Variants in DHCR7 observed in about 807,000 individuals in gnomAD.
DHCR7 encodes the protein 7-DHC reductase.
A neutral mutation model predicts 43.3 loss-of-function variants in DHCR7; 40 were observed. That is an observed-to-expected ratio of 0.92 (90% CI 0.72 to 1.20). The LOEUF (loss-of-function observed/expected upper bound fraction) is 1.20. DHCR7 is among the 50% of genes most tolerant of loss of function. The pLI is 0.00. For synonymous variants in DHCR7, 298 were observed against 271.4 expected, an observed-to-expected ratio of 1.10 and a Z score of -0.96; for missense variants, 608 against 644.6, an observed-to-expected ratio of 0.94 and a Z score of 0.62.
Position 71,435,010 on chromosome 11 carries a change from G to A in DHCR7, c.*365C>T, listed in dbSNP as rs1317421037. ...AGTAAATGCAGCCTAATGACAGGGC[G>A]TGGGAAGACCTCCTGCTCACCAGTG... On this transcript the variant is annotated 3_prime_UTR_variant, in exon 9 of 9. Coordinates refer to ENST00000355527, the MANE Select transcript of DHCR7 (RefSeq NM_001360.3). 4.9e-5 allele frequency: 23 copies of A among 471,524 alleles called. 1 individual carries two copies. Among genetic ancestry groups the A allele is most frequent in the Middle Eastern group, 3.4e-4 (1 of 2,970 alleles). The allele number at this position is 471,524 out of a possible 1,614,324, so 29.2% of individuals were successfully genotyped here. A position where few individuals can be genotyped will look rare whatever the true frequency, so the allele number is the denominator to read the frequency against.
At chr11:71,431,689 A>G (rs897667105), downstream of DHCR7, among the ~76,000 whole-genome samples, 4 of 152,216 alleles carry the variant, frequency 2.6e-5, 1 homozygote, top group Non-Finnish European at 5.9e-5. Context: ...ATAATCCTGC[A>G]GAAGTGTTGC....
Position 71,436,935 on chromosome 11 carries a change from C to T in DHCR7, c.963+877G>A, listed in dbSNP as rs947373448. On this transcript the variant is annotated intron_variant, in intron 8 of 8. Transcript: ENST00000355527. ...AGTGGGACCTATTGCTACGTTTTCA[C>T]ATCCTTGGAAAATGGAGTTTATAAA... Among the ~76,000 whole-genome samples the T allele has an allele frequency of 3.3e-5, 5 of 152,222 alleles. 1 individual carries two copies. In the South Asian group the frequency reaches 6.2e-4, roughly 19 times the overall value.
At position 71,444,004 on chromosome 11, in the gene DHCR7, C is replaced by A. The variant is rs1340032271; in HGVS notation, c.310G>T (p.Val104Phe). Reference protein sequence around the residue: ...RKAAQLYTLWVTFQVLLYTSL... With the variant: ...RKAAQLYTLWFTFQVLLYTSL... ...CAGGGGCTGCTGACCTGGAAGGTGA[C>A]CCACAAGGTATAGAGCTGGGCGGCT... Residue 104 changes from valine to phenylalanine, a missense_variant, in exon 4 of 9, where the codon GTC (valine) becomes TTC (phenylalanine). Val to Phe is a conservative substitution (Grantham distance 50). Transcript: ENST00000355527. The A allele has an allele frequency of 1.2e-6, 2 of 1,611,410 alleles. No homozygotes were observed. The highest frequency in any genetic ancestry group is 4.5e-5 in the East Asian group (2 of 44,828).
In DHCR7 at chr11:71,435,117, C is replaced by G. The variant is rs1949256968; in HGVS notation, c.*258G>C. 1 of 666,172 alleles carries G rather than the reference C, an allele frequency of 1.5e-6. No individual in the cohort carries two copies. 41.3% of individuals were successfully genotyped at this position (666,172 alleles called of 1,614,324 possible). On this transcript the variant is annotated 3_prime_UTR_variant, in exon 9 of 9. Transcript: ENST00000355527. Reference sequence around the variant, plus strand: ...CTAGTAAAGGTGACTGGGTCATCCTCCTGCCCCAGGGACACTGATTAGAGA... The same window carrying G: ...CTAGTAAAGGTGACTGGGTCATCCTGCTGCCCCAGGGACACTGATTAGAGA...
intron 3 of DHCR7, 110 bp downstream of exon 3, chr11:71,444,745 A>C: frequency 1.1e-6 from 1 of 950,478 alleles, no homozygotes; most frequent in Non-Finnish European, 1.7e-6. Flanking sequence ...AAAAAAAAAA[A>C]TCTTTTTTAA....
At chr11:71,438,476 C>T (rs574811694) in intron 7 of DHCR7, among the ~76,000 whole-genome samples, 7 of 152,278 alleles carry the variant, frequency 4.6e-5, no homozygotes, top group South Asian at 4.1e-4. Flanking sequence ...AGCTCCTGAA[C>T]GCTCTCTGGT....
chr11:71,438,045 G>A, intron 7 of DHCR7, 102 bp from the exon 8 acceptor site: 3 of 1,389,310 alleles, frequency 2.2e-6, no homozygotes, highest in Non-Finnish European at 3.0e-6. Context: ...GGGTGCTCGG[G>A]AGCTGCTCAG....
intron 8 of DHCR7, among the ~76,000 whole-genome samples, chr11:71,436,252 A>T (rs1949279133): frequency 6.6e-6 from 1 of 152,202 alleles, no homozygotes; most frequent in Non-Finnish European, 1.5e-5. Flanking sequence ...TTCATATGTT[A>T]ATCAGTCAAC....
At chr11:71,436,020 GA>G in intron 8 of DHCR7, 181 bp from the exon 9 acceptor site, 1 of 632,970 alleles carries the variant, frequency 1.6e-6, no homozygotes, top group South Asian at 1.8e-5. Flanking sequence ...GTCATTAAAT[GA>G]GTAACTCTAC....
chr11:71,439,971 C>T (rs959441919), intron 6 of DHCR7, among the ~76,000 whole-genome samples: 2 of 152,196 alleles, frequency 1.3e-5, no homozygotes, highest in African/African-American at 4.8e-5. Context: ...CTGTAAGTCC[C>T]ACTGCCTACA....
chr11:71,435,033 G>T lies in DHCR7; in HGVS notation c.*342C>A. On this transcript the variant is annotated 3_prime_UTR_variant, in exon 9 of 9. Transcript: ENST00000355527. ...GCGTGGGAAGACCTCCTGCTCACCAGTGTGGGCAGAGTGTAGCGTGGCCTG... is the reference window on the plus strand; with the variant it reads ...GCGTGGGAAGACCTCCTGCTCACCATTGTGGGCAGAGTGTAGCGTGGCCTG... 1.9e-6 allele frequency: 1 copy of T among 517,202 alleles called. No individual in the cohort carries two copies. The highest frequency in any genetic ancestry group is 1.6e-5 in the South Asian group (1 of 64,196). 32.0% of individuals were successfully genotyped at this position (517,202 alleles called of 1,614,324 possible). A position where few individuals can be genotyped will look rare whatever the true frequency, so the allele number is the denominator to read the frequency against.
chr11:71,433,553 A>G (rs1442813806), downstream of DHCR7, among the ~76,000 whole-genome samples: 1 of 152,212 alleles, frequency 6.6e-6, no homozygotes, highest in Non-Finnish European at 1.5e-5. Flanking sequence ...CCCTTCTCAC[A>G]TCAAGGCAGG....
intron 2 of DHCR7, among the ~76,000 whole-genome samples, chr11:71,447,164 C>T (rs377471475): frequency 1.3e-5 from 2 of 152,194 alleles, no homozygotes; most frequent in African/African-American, 2.4e-5. Flanking sequence ...GGGTGGCATT[C>T]GTCTTGCCCC....
At chr11:71,442,813 C>T (rs1949363004) in intron 4 of DHCR7, among the ~76,000 whole-genome samples, 1 of 152,188 alleles carries the variant, frequency 6.6e-6, no homozygotes, top group African/African-American at 2.4e-5. Flanking sequence ...TGCACCACCA[C>T]ACCCGGCTAA....
At chr11:71,431,913 C>A (rs556198217), downstream of DHCR7, among the ~76,000 whole-genome samples, 3 of 152,322 alleles carry the variant, frequency 2.0e-5, no homozygotes, top group East Asian at 5.8e-4. Flanking sequence ...GCCTCAACCT[C>A]CCCAGGCTCA....
rs1207948894 is a variant in DHCR7 at position 71,444,144 on chromosome 11, A to T, written c.170T>A (p.Phe57Tyr). Residue 57 changes from phenylalanine (F) to tyrosine (Y), a missense_variant, in exon 4 of 9, where the codon TTC (phenylalanine) becomes TAC (tyrosine). Coordinates refer to ENST00000355527, the MANE Select transcript of DHCR7 (RefSeq NM_001360.3). ...LLFAPFIVYYFIMACDQYSCA... is the reference protein window; with the variant it reads ...LLFAPFIVYYYIMACDQYSCA... ...GCTGTACTGGTCACAAGCCATGATG[A>T]AGTAGTAGACGATGAAGGGGGCGAA... 2.5e-6 allele frequency: 4 copies of T among 1,611,808 alleles called. No individual in the cohort carries two copies. The highest frequency in any genetic ancestry group is 3.4e-6 in the Non-Finnish European group (4 of 1,178,902).
In DHCR7 at chr11:71,434,884, G is replaced by A; in HGVS notation, c.*491C>T. On this transcript the variant is annotated 3_prime_UTR_variant, in exon 9 of 9. Transcript: ENST00000355527. ...GCTACCAAGGAGAAACGGCGCACGG[G>A]CCCCACCCACGACTGCAGAGCAGGC... is the stretch of plus-strand genomic sequence containing the variant. The A allele has an allele frequency of 2.8e-6, 1 of 354,048 alleles. No homozygotes were observed. Among genetic ancestry groups the A allele is most frequent in the South Asian group, 2.1e-5 (1 of 47,542 alleles). The allele number at this position is 354,048 out of a possible 1,614,324, so 21.9% of individuals were successfully genotyped here.
downstream of DHCR7, among the ~76,000 whole-genome samples, chr11:71,433,300 G>C (rs188034534): frequency 6.6e-6 from 1 of 152,194 alleles, no homozygotes; most frequent in African/African-American, 2.4e-5. Flanking sequence ...CCCTGTTCTC[G>C]CCCAGAGAGA....
intron 7 of DHCR7, 35 bp from the exon 8 acceptor site, chr11:71,437,978 C>T: frequency 6.2e-7 from 1 of 1,608,666 alleles, no homozygotes; most frequent in Non-Finnish European, 8.5e-7. Flanking sequence ...CCACCCCCGG[C>T]CCTCCTGGGG....
Sources: gnomAD v4.1 joint callset for allele counts (sites outside exome capture counted in the v4.1 genomes callset) on GRCh38, gnomAD v4.1.1 for gene constraint, MANE v1.5 for transcripts, NCBI Gene and HGNC (gene_info 2026-07-23, HGNC 2026-07-21) for gene names.